The following ARHGAP10 variants were observed in gnomAD, a reference collection of about 807,000 sequenced individuals.
The protein encoded by ARHGAP10 is rho GTPase-activating protein 10.
Under a neutral mutation model 108.6 loss-of-function variants are expected in ARHGAP10, and 87 were observed. That is an observed-to-expected ratio of 0.80 (90% CI 0.67 to 0.96). The LOEUF (loss-of-function observed/expected upper bound fraction) is 0.96, where lower values mean the gene tolerates loss of function less well. Among genes scored for constraint, ARHGAP10 ranks in the 40% least tolerant of loss-of-function variants. The pLI, the probability that ARHGAP10 is intolerant of heterozygous loss-of-function variation, is 0.00. For synonymous variants in ARHGAP10, 347 were observed against 341.1 expected (o/e 1.02, Z -0.19); for missense variants, 939 against 954.5 (o/e 0.98, Z 0.21).
intron 13 of ARHGAP10, among the ~76,000 whole-genome samples, chr4:147,930,574 A>C (rs1479028042): frequency 6.6e-6 from 1 of 152,164 alleles, no homozygotes; most frequent in Non-Finnish European, 1.5e-5. Flanking sequence ...ATTCCACCTC[A>C]CTGCCTAAAA....
chr4:147,819,973 C>T (rs1270428240), intron 1 of ARHGAP10, among the ~76,000 whole-genome samples: 3 of 152,084 alleles, frequency 2.0e-5, no homozygotes, highest in Non-Finnish European at 4.4e-5. Flanking sequence ...GGTGACAATG[C>T]GCAAATATTG....
At chr4:148,062,017 T>G (rs1370394172) in intron 20 of ARHGAP10, among the ~76,000 whole-genome samples, 1 of 151,820 alleles carries the variant, frequency 6.6e-6, no homozygotes, top group Non-Finnish European at 1.5e-5. Flanking sequence ...GCGGGGAGCT[T>G]GAGAGGAAAG....
At chr4:147,999,714 C>T (rs754246943) in intron 18 of ARHGAP10, among the ~76,000 whole-genome samples, 7 of 152,138 alleles carry the variant, frequency 4.6e-5, no homozygotes, top group Non-Finnish European at 7.3e-5. Context: ...CGTTGGAATC[C>T]GTGAGGCCAA....
Position 147,912,382 on chromosome 4 carries a change from A to G in ARHGAP10, c.1163-692A>G, listed in dbSNP as rs532683291. Among the ~76,000 whole-genome samples the G allele has an allele frequency of 9.2e-4, 140 of 151,542 alleles. 1 individual carries two copies. The highest frequency in any genetic ancestry group is 3.1e-3 in the African/African-American group (129 of 41,322). ...TGGTGAAACCCCATCTCTACTAAAA[A>G]TAGAAAAAATTAGCTGGGCTTGGTG... On this transcript the variant is annotated intron_variant, in intron 12 of 22. Coordinates refer to ENST00000336498, the MANE Select transcript of ARHGAP10 (RefSeq NM_024605.4).
intron 20 of ARHGAP10, among the ~76,000 whole-genome samples, chr4:148,059,104 CCTTT>C (rs1340451889): frequency 9.2e-5 from 14 of 152,324 alleles, no homozygotes; most frequent in African/African-American, 3.1e-4. Context: ...CTATTTGTCC[CCTTT>C]CTTTGAGAAA....
intron 20 of ARHGAP10, among the ~76,000 whole-genome samples, chr4:148,056,976 G>A (rs771649062): frequency 2.6e-5 from 4 of 152,150 alleles, no homozygotes; most frequent in Non-Finnish European, 4.4e-5. Context: ...TGACCCAGCC[G>A]ATGAGTCATG....
chr4:148,052,663 G>C (rs142763976), intron 20 of ARHGAP10, among the ~76,000 whole-genome samples: 1 of 152,298 alleles, frequency 6.6e-6, no homozygotes, highest in Non-Finnish European at 1.5e-5. Context: ...GGAGAGCCTA[G>C]TGCCTTCTTG....
chr4:147,902,321 C>T (rs1268171461), intron 10 of ARHGAP10, among the ~76,000 whole-genome samples: 1 of 152,300 alleles, frequency 6.6e-6, no homozygotes, highest in Non-Finnish European at 1.5e-5. Context: ...TCTGGCTGTT[C>T]CCCTACTAAA....
At chr4:147,925,856 C>T (rs1323588848) in intron 13 of ARHGAP10, among the ~76,000 whole-genome samples, 1 of 152,082 alleles carries the variant, frequency 6.6e-6, no homozygotes, top group East Asian at 1.9e-4. Context: ...GCAAAGATGG[C>T]CAGGTGATAC....
intron 19 of ARHGAP10, among the ~76,000 whole-genome samples, chr4:148,037,258 A>C (rs1728420988): frequency 6.6e-6 from 1 of 152,200 alleles, no homozygotes; most frequent in African/African-American, 2.4e-5. Context: ...TGAATGTTCC[A>C]CTGTCCATGA....
intron 7 of ARHGAP10, among the ~76,000 whole-genome samples, chr4:147,867,756 C>T (rs1001334590): frequency 1.3e-4 from 19 of 150,716 alleles, no homozygotes; most frequent in Admixed American, 2.0e-4. Context: ...CCCAGTTACT[C>T]GGGAGGCTGA....
intron 1 of ARHGAP10, among the ~76,000 whole-genome samples, chr4:147,776,629 G>C (rs1342813873): frequency 6.6e-6 from 1 of 152,086 alleles, no homozygotes; most frequent in African/African-American, 2.4e-5. Context: ...AGAAATCATT[G>C]TTCTAGAACT....
chr4:147,970,988 G>C (rs953927063), intron 18 of ARHGAP10, among the ~76,000 whole-genome samples: 1 of 151,734 alleles, frequency 6.6e-6, no homozygotes, highest in African/African-American at 2.4e-5. Context: ...AGCTATTCAG[G>C]AGGCTGAGGC....
At chr4:148,007,383 A>G (rs2149650935) in intron 18 of ARHGAP10, among the ~76,000 whole-genome samples, 1 of 152,330 alleles carries the variant, frequency 6.6e-6, no homozygotes, top group South Asian at 2.1e-4. Context: ...GGATTCCAGC[A>G]TGGTACAGGG....
intron 3 of ARHGAP10, among the ~76,000 whole-genome samples, chr4:147,827,197 TG>T (rs930845556): frequency 2.6e-5 from 4 of 151,498 alleles, no homozygotes; most frequent in African/African-American, 7.3e-5. Context: ...TTTTTTAAAG[TG>T]GAATCACTGT....
intron 1 of ARHGAP10, among the ~76,000 whole-genome samples, chr4:147,787,666 G>A (rs566978960): frequency 5.3e-5 from 8 of 152,282 alleles, no homozygotes; most frequent in East Asian, 1.9e-4. Context: ...CACTGCCTTC[G>A]TGCTTCCCTG....
intron 10 of ARHGAP10, among the ~76,000 whole-genome samples, chr4:147,885,141 A>G (rs561906447): frequency 1.1e-4 from 16 of 151,904 alleles, no homozygotes; most frequent in Non-Finnish European, 7.4e-5. Context: ...TGGGAAACAA[A>G]GTGGGGGCAT....
intron 19 of ARHGAP10, among the ~76,000 whole-genome samples, chr4:148,024,754 A>T (rs1283118632): frequency 6.6e-6 from 1 of 152,162 alleles, no homozygotes; most frequent in Non-Finnish European, 1.5e-5. Flanking sequence ...TCTTACGTTC[A>T]TTCTTTCTCA....
intron 1 of ARHGAP10, among the ~76,000 whole-genome samples, chr4:147,733,497 G>A (rs1578978446): frequency 6.6e-6 from 1 of 152,058 alleles, no homozygotes. Context: ...GGTTCTTAGG[G>A]CCTTCATCAC....
Sources: gnomAD v4.1 joint callset for allele counts (sites outside exome capture counted in the v4.1 genomes callset) on GRCh38, gnomAD v4.1.1 for gene constraint, MANE v1.5 for transcripts, NCBI Gene and HGNC (gene_info 2026-07-23, HGNC 2026-07-21) for gene names.